The following PPP2R5C variants were observed in gnomAD, a reference collection of about 807,000 sequenced individuals.
PPP2R5C encodes the protein serine/threonine-protein phosphatase 2A 56 kDa regulatory subunit gamma isoform.
PPP2R5C carries 7 observed loss-of-function variants against 68.9 expected under a neutral mutation model. That is an observed-to-expected ratio of 0.10 (90% confidence interval 0.06 to 0.19). PPP2R5C has a LOEUF of 0.19. PPP2R5C is among the 10% of genes least tolerant of loss of function. PPP2R5C has a pLI of 1.00. For missense variants in PPP2R5C, 348 were observed against 641.3 expected (o/e 0.54, Z 4.94); for synonymous variants, 210 against 222.2 (o/e 0.95, Z 0.49).
At chr14:101,844,226 T>C (rs1260367100) in intron 1 of PPP2R5C, 1 of 150,718 alleles carries the variant, frequency 6.6e-6, no homozygotes. Flanking sequence ...AGGTAACTAA[T>C]TCGAATCTTA....
chr14:101,776,695 G>C (rs2037437277), intron 2 of PPP2R5C, among the ~76,000 whole-genome samples: 1 of 151,948 alleles, frequency 6.6e-6, no homozygotes, highest in South Asian at 2.1e-4. Context: ...CCCACCAGCA[G>C]TCACTCCTCA....
chr14:101,859,915 T>C (rs1595394826), intron 2 of PPP2R5C, among the ~76,000 whole-genome samples: 1 of 106,156 alleles, frequency 9.4e-6, no homozygotes, highest in Admixed American at 8.5e-5. Flanking sequence ...TAATTTCCAC[T>C]TTTTTTTTTT....
Position 101,781,668 on chromosome 14 carries a change from C to G in PPP2R5C, c.94-4350C>G, listed in dbSNP as rs1264125696. Among the ~76,000 whole-genome samples the G allele has an allele frequency of 6.6e-6, 1 of 152,178 alleles. No individual in the cohort carries two copies. Among genetic ancestry groups the G allele is most frequent in the Non-Finnish European group, 1.5e-5 (1 of 68,016 alleles). ...CATGGGCCCCAGGCCGGGGTCCCGC[C>G]TTTGCCCCGGCCTCCGCTGCCTCGC... On this transcript the variant is annotated intron_variant, in intron 2 of 14. Transcript: ENST00000328724. This position sits in a 1 kb window ranked among gnomAD's most constrained non-coding sequence, Gnocchi z 6.4.
At chr14:101,778,395 A>T (rs2037522555) in intron 2 of PPP2R5C, among the ~76,000 whole-genome samples, 1 of 152,190 alleles carries the variant, frequency 6.6e-6, no homozygotes, top group South Asian at 2.1e-4. Flanking sequence ...TTGCACAAAA[A>T]TGTTTAATTT....
In PPP2R5C at chr14:101,881,271, A is replaced by T. The variant is rs531494833; in HGVS notation, c.295-890A>T. Among the ~76,000 whole-genome samples, 9 of 152,150 alleles carry T rather than the reference A, an allele frequency of 5.9e-5. 1 individual carries two copies. In the South Asian group the frequency reaches 1.9e-3, roughly 32 times the overall value. On this transcript the variant is annotated intron_variant, in intron 2 of 13. Transcript: ENST00000334743. ...AAAAATTAGCCAGGCATGGTGGTGC[A>T]CGCCTGTAATTCTAGCTACTCGGGA...
intron 11 of PPP2R5C, among the ~76,000 whole-genome samples, 173 bp from the exon 14 acceptor site, chr14:101,912,228 T>G (rs1715436628): frequency 6.6e-6 from 1 of 152,238 alleles, no homozygotes; most frequent in South Asian, 2.1e-4. Flanking sequence ...TTCTCATGTT[T>G]AAATCTCAGT....
intron 2 of PPP2R5C, among the ~76,000 whole-genome samples, chr14:101,874,005 T>C (rs973119002): frequency 7.2e-5 from 11 of 152,340 alleles, no homozygotes; most frequent in African/African-American, 2.6e-4. Context: ...CTCCATCTCA[T>C]CTGGAAGCAT....
chr14:101,925,674 G>T (rs1419169403), exon 14 of PPP2R5C: 2 of 156,730 alleles, frequency 1.3e-5, no homozygotes, highest in Admixed American at 6.4e-5. Flanking sequence ...TAAAAAATAG[G>T]ACCTATTTTT....
rs1179657994 is a variant in PPP2R5C at position 101,877,361 on chromosome 14, G to T, written c.295-4800G>T. Among the ~76,000 whole-genome samples, 2 of 152,100 alleles carry T rather than the reference G, an allele frequency of 1.3e-5. No individual in the cohort carries two copies. Among genetic ancestry groups the T allele is most frequent in the African/African-American group, 4.8e-5 (2 of 41,402 alleles). On this transcript the variant is annotated intron_variant, in intron 2 of 13. Coordinates refer to ENST00000334743, the Ensembl canonical transcript of PPP2R5C. This position sits in a 1 kb window ranked among gnomAD's most constrained non-coding sequence, Gnocchi z 4.2. ...GAGACTGTTTCCATGAGGCTGTGCT[G>T]CCTTTGTTGGGCAGCGTGATTCTGC...
upstream of PPP2R5C, chr14:101,760,689 G>A (rs1365301864): frequency 4.8e-5 from 46 of 965,750 alleles, 1 homozygote; most frequent in Non-Finnish European, 5.1e-5. Context: ...TGTCGGATGG[G>A]CGGGACCTCG....
intron 8 of PPP2R5C, among the ~76,000 whole-genome samples, chr14:101,895,019 G>C: frequency 6.6e-6 from 1 of 152,174 alleles, no homozygotes; most frequent in East Asian, 1.9e-4. Context: ...TATGATCATT[G>C]AATCACAAGT....
intron 5 of PPP2R5C, among the ~76,000 whole-genome samples, chr14:101,885,545 G>T (rs1219258799): frequency 2.0e-5 from 3 of 152,014 alleles, no homozygotes; most frequent in Non-Finnish European, 4.4e-5. Context: ...TTTCCCCTCT[G>T]CAGTCATAAG....
At chr14:101,795,288 A>T (rs917611352) in intron 3 of PPP2R5C, among the ~76,000 whole-genome samples, 2 of 152,240 alleles carry the variant, frequency 1.3e-5, no homozygotes, top group African/African-American at 4.8e-5. Flanking sequence ...GTAGCACCAC[A>T]TACAGAGTAT....
intron 2 of PPP2R5C, among the ~76,000 whole-genome samples, chr14:101,770,664 C>T (rs2037097664): frequency 6.6e-6 from 1 of 152,184 alleles, no homozygotes; most frequent in Non-Finnish European, 1.5e-5. Context: ...AAAAGCTTCG[C>T]TACGGTATAT....
rs1284137016 is a variant in PPP2R5C, at chr14:101,900,583, TGTTGTACTCTTTTAGAAC to T, written c.853-1135_853-1118del. Reference sequence around the variant, plus strand: ...TCATATGCAAATGCCTGTTTTGGATTGTTGTACTCTTTTAGAACTAAGATGGCTAAACTCTAAAAATAT... The same window carrying T: ...TCATATGCAAATGCCTGTTTTGGATTTAAGATGGCTAAACTCTAAAAATAT... On this transcript the variant is annotated intron_variant, in intron 8 of 13. Coordinates refer to ENST00000334743, the Ensembl canonical transcript of PPP2R5C. 2.0e-4 allele frequency among the ~76,000 whole-genome samples: 31 copies of T among 152,254 alleles called. 1 individual carries two copies. The highest frequency in any genetic ancestry group is 1.4e-3 in the Admixed American group (21 of 15,294).
At position 101,883,415 on chromosome 14, in the gene PPP2R5C, T is replaced by A; in HGVS notation, c.499-17T>A. 1.2e-6 allele frequency: 2 copies of A among 1,612,564 alleles called. No individual in the cohort carries two copies. Among genetic ancestry groups the A allele is most frequent in the Non-Finnish European group, 1.7e-6 (2 of 1,179,738 alleles). ...AATGATGACACCCAGCCACTAAGTG[T>A]CTTTTTCTTCTCAAAGCTTTTAGAG... On this transcript the variant is annotated splice_polypyrimidine_tract_variant and intron_variant, in intron 4 of 13. Coordinates refer to ENST00000334743, the Ensembl canonical transcript of PPP2R5C.
chr14:101,856,621 G>A, intron 1 of PPP2R5C, 65 bp from the exon 4 acceptor site: 4 of 1,380,664 alleles, frequency 2.9e-6, no homozygotes, highest in South Asian at 2.4e-5. Flanking sequence ...AAGCTTAAAT[G>A]TGTTTCACAA....
chr14:101,896,570 C>T (rs1256482340), intron 8 of PPP2R5C, among the ~76,000 whole-genome samples: 2 of 120,914 alleles, frequency 1.7e-5, no homozygotes, highest in Non-Finnish European at 3.3e-5. Flanking sequence ...CCCATCTCTA[C>T]AAAAAATACA....
Position 101,797,260 on chromosome 14 carries a change from G to GGC in PPP2R5C, c.259+11077_259+11078insGC, listed in dbSNP as rs1403144076. 6.6e-6 allele frequency: 3 copies of GGC among 455,956 alleles called. No homozygotes were observed. The highest frequency in any genetic ancestry group is 6.0e-5 in the African/African-American group (3 of 50,078). 28.2% of individuals were successfully genotyped at this position (455,956 alleles called of 1,614,324 possible). A position where few individuals can be genotyped will look rare whatever the true frequency, so the allele number is the denominator to read the frequency against. On this transcript the variant is annotated intron_variant, in intron 3 of 14. Coordinates refer to the PPP2R5C transcript ENST00000328724. This position sits in a 1 kb window ranked among gnomAD's most constrained non-coding sequence, Gnocchi z 4.2. Reference sequence around the variant, plus strand: ...CAGACCCTCGCTCCCGTCGAAGGCTGATGCCATCCTTCAGTGATGTGTGGA... The same window carrying GGC: ...CAGACCCTCGCTCCCGTCGAAGGCTGGCATGCCATCCTTCAGTGATGTGTGGA...
Sources: allele counts gnomAD v4.1 joint callset (sites outside exome capture counted in the v4.1 genomes callset), GRCh38; gene constraint gnomAD v4.1.1; non-coding constraint Gnocchi (gnomAD v3.1); transcripts MANE v1.5; gene names NCBI Gene and HGNC (gene_info 2026-07-23, HGNC 2026-07-21).